PCDHA5: variants seen among roughly 807,000 people sequenced by gnomAD.
PCDHA5 encodes protocadherin alpha-5.
A neutral mutation model predicts 61.6 loss-of-function variants in PCDHA5; 43 were observed. The observed-to-expected ratio is 0.70, with a 90% CI of 0.55 to 0.90. The LOEUF is 0.90. PCDHA5 is among the 40% of genes least tolerant of loss of function. The pLI is 0.00. For synonymous variants in PCDHA5, 627 were observed against 543.9 expected, an observed-to-expected ratio of 1.15 and a Z score of -2.13; for missense variants, 1,298 against 1,222.7, an observed-to-expected ratio of 1.06 and a Z score of -0.92.
In PCDHA5 at chr5:140,822,890, G is replaced by A. The variant is rs976466535; in HGVS notation, c.1115G>A (p.Ser372Asn). 1 of 1,614,218 alleles carries A rather than the reference G, an allele frequency of 6.2e-7. No individual in the cohort carries two copies. Among genetic ancestry groups the A allele is most frequent in the Non-Finnish European group, 8.5e-7 (1 of 1,180,040 alleles). The change falls in exon 1 of 4, where the codon AGC becomes AAC. Residue 372 changes from serine (S) to asparagine (N), a missense_variant. Transcript: ENST00000529859. Reference protein sequence around the residue: ...APLSTVIALISVSDRDSGANG... With the variant: ...APLSTVIALINVSDRDSGANG... ...CTCAGCACGGTCATTGCTCTGATCAGCGTGTCTGACCGTGACTCAGGTGCC... is the reference window on the plus strand; with the variant it reads ...CTCAGCACGGTCATTGCTCTGATCAACGTGTCTGACCGTGACTCAGGTGCC...
chr5:140,970,927 G>A (rs1481513155), intron 1 of PCDHA5, among the ~76,000 whole-genome samples: 2 of 152,150 alleles, frequency 1.3e-5, no homozygotes, highest in African/African-American at 4.8e-5. Flanking sequence ...GAAGTGCCTG[G>A]TGTTAGTCAA....
chr5:140,915,886 T>A (rs1259377999), intron 1 of PCDHA5, among the ~76,000 whole-genome samples: 2 of 152,186 alleles, frequency 1.3e-5, no homozygotes, highest in African/African-American at 4.8e-5. Context: ...GGGTAGCAAG[T>A]TCCCCCTGGC....
rs149656802 is a variant in PCDHA5, at chr5:141,008,452, C to T, written c.2501-1175C>T. ...TTTGCCCAGACAGACCATTACCCTTCCTCTCCAGCTCTGACTTCTACTCTT... is the reference window on the plus strand; with the variant it reads ...TTTGCCCAGACAGACCATTACCCTTTCTCTCCAGCTCTGACTTCTACTCTT... On this transcript the variant is annotated intron_variant, in intron 3 of 3. Coordinates refer to ENST00000529859, the MANE Select transcript of PCDHA5 (RefSeq NM_018908.3). Among the ~76,000 whole-genome samples, 286 of 152,284 alleles carry T rather than the reference C, an allele frequency of 1.9e-3. 2 individuals carry two copies. Among genetic ancestry groups the T allele is most frequent in the African/African-American group, 6.5e-3 (272 of 41,548 alleles).
At chr5:140,830,868 G>A (rs2150190199) in intron 1 of PCDHA5, 7 of 153,410 alleles carry the variant, frequency 4.6e-5, no homozygotes, top group African/African-American at 9.6e-5. Context: ...ATCATATATT[G>A]AAATTTGAGC....
intron 1 of PCDHA5, chr5:140,869,197 C>T: frequency 6.2e-7 from 1 of 1,614,026 alleles, no homozygotes; most frequent in Non-Finnish European, 8.5e-7. Context: ...CGGCCAGCTC[C>T]ACTACTCCGT....
chr5:140,836,715 C>T, intron 1 of PCDHA5: 1 of 1,612,974 alleles, frequency 6.2e-7, no homozygotes, highest in Non-Finnish European at 8.5e-7. Flanking sequence ...CAGCCTTCCT[C>T]AGGGTCCATC....
rs1238131938 is a variant in PCDHA5, at chr5:141,010,564, G to A, written c.*627G>A. Reference sequence around the variant, plus strand: ...GAGACAAAACTACCCCCACTGACAAGGCTTTAGGAGACCCTAAAGTCTGTT... The same window carrying A: ...GAGACAAAACTACCCCCACTGACAAAGCTTTAGGAGACCCTAAAGTCTGTT... On this transcript the variant is annotated 3_prime_UTR_variant, in exon 4 of 4. Coordinates refer to ENST00000529859, the MANE Select transcript of PCDHA5 (RefSeq NM_018908.3). 1 of 289,402 alleles carries A rather than the reference G, an allele frequency of 3.5e-6. No homozygotes were observed. Among genetic ancestry groups the A allele is most frequent in the Non-Finnish European group, 6.5e-6 (1 of 154,048 alleles). 17.9% of individuals were successfully genotyped at this position (289,402 alleles called of 1,614,324 possible).
chr5:140,837,766 TCCTGGG>T (rs1439414038), intron 1 of PCDHA5, among the ~76,000 whole-genome samples: 1 of 151,794 alleles, frequency 6.6e-6, no homozygotes, highest in Admixed American at 6.6e-5. Context: ...AACCTGAAAG[TCCTGGG>T]CTCACAGGAT....
intron 1 of PCDHA5, 135 bp downstream of exon 1, chr5:140,824,262 T>G: frequency 7.6e-7 from 1 of 1,308,960 alleles, no homozygotes; most frequent in Non-Finnish European, 1.1e-6. Context: ...ATTGCACTAA[T>G]TCATGTATTA....
intron 1 of PCDHA5, chr5:140,842,451 T>A: frequency 6.2e-7 from 1 of 1,613,846 alleles, no homozygotes; most frequent in South Asian, 1.1e-5. Context: ...GTGAACGACC[T>A]CGATTCAGGT....
intron 1 of PCDHA5, among the ~76,000 whole-genome samples, chr5:140,961,103 A>G (rs531762252): frequency 6.6e-6 from 1 of 152,254 alleles, no homozygotes; most frequent in South Asian, 2.1e-4. Context: ...TTGGTCACCC[A>G]ACCCCCTTGC....
At chr5:140,842,942 G>A in intron 1 of PCDHA5, 1 of 1,594,648 alleles carries the variant, frequency 6.3e-7, no homozygotes, top group Non-Finnish European at 8.6e-7. Flanking sequence ...GCGCGACGCG[G>A]GCGTGCCGCC....
chr5:140,900,618 C>A (rs1382793608), intron 1 of PCDHA5, among the ~76,000 whole-genome samples: 1 of 152,180 alleles, frequency 6.6e-6, no homozygotes, highest in Non-Finnish European at 1.5e-5. Context: ...ATGTAGATTG[C>A]TTCCAAATCT....
intron 1 of PCDHA5, chr5:140,849,434 T>C (rs2150437412): frequency 1.0e-5 from 16 of 1,580,752 alleles, no homozygotes; most frequent in Non-Finnish European, 9.5e-6. Context: ...TTGAAGAAAG[T>C]AGAGCACACA....
intron 3 of PCDHA5, among the ~76,000 whole-genome samples, chr5:141,000,395 CTATATATATA>C (rs1190667031): frequency 1.9e-5 from 1 of 53,986 alleles, no homozygotes; most frequent in Non-Finnish European, 3.2e-5. Context: ...CTCTCTCTCT[CTATATATATA>C]TATATATATA....
chr5:140,842,604 G>C, intron 1 of PCDHA5: 4 of 1,550,196 alleles, frequency 2.6e-6, no homozygotes, highest in Non-Finnish European at 3.5e-6. Context: ...GTAACCGCGC[G>C]GGACGGGGGC....
rs185767188 is a variant in PCDHA5 at position 140,858,268 on chromosome 5, T to C, written c.2352+34141T>C. On this transcript the variant is annotated intron_variant, in intron 1 of 3. Transcript: ENST00000529859. ...CGGTGAAGCCCACGCTGGTGTGCTC[T>C]AGCGCGGTGGGGAGCTGGTCTTACT... The C allele has an allele frequency of 2.5e-3, 4,023 of 1,597,108 alleles. 314 individuals carry two copies. Among genetic ancestry groups the C allele is most frequent in the Middle Eastern group, 0.01 (61 of 5,954 alleles).
intron 1 of PCDHA5, among the ~76,000 whole-genome samples, chr5:140,941,202 C>CCTTTCTTCCTTTCTTTCTTTCTTT (rs1394736170): frequency 4.2e-3 from 519 of 122,694 alleles, no homozygotes; most frequent in African/African-American, 7.8e-3. Flanking sequence ...TTTCTTTCTT[C>CCTTTCTTCCTTTCTTTCTTTCTTT]CTTTCTTTCT....
intron 1 of PCDHA5, chr5:140,876,925 CAGA>C: frequency 6.2e-7 from 1 of 1,613,838 alleles, no homozygotes; most frequent in Non-Finnish European, 8.5e-7. Context: ...CGCGGACGCG[CAGA>C]AGAACGCGCT....
Sources: gnomAD v4.1 joint callset for allele counts (sites outside exome capture counted in the v4.1 genomes callset) on GRCh38, gnomAD v4.1.1 for gene constraint, MANE v1.5 for transcripts, NCBI Gene and HGNC (gene_info 2026-07-23, HGNC 2026-07-21) for gene names.